The following NANS variants were observed in gnomAD, a reference collection of about 807,000 sequenced individuals.
The protein encoded by NANS is N-acetylneuraminate synthase, also known as N-acetylneuraminate-9-phosphate synthase.
Under a neutral mutation model 33.3 loss-of-function variants are expected in NANS, and 29 were observed. The ratio of observed to expected loss-of-function variants is 0.87; its 90% CI spans 0.65 to 1.19. The LOEUF (loss-of-function observed/expected upper bound fraction) is 1.19. Ranked by LOEUF, NANS falls within the 50% of genes most tolerant of loss-of-function variation. NANS has a pLI of 0.00. For synonymous variants in NANS, 163 were observed against 177.2 expected (o/e 0.92, Z 0.64); for missense variants, 394 against 461.1 (o/e 0.85, Z 1.33).
At chr9:98,080,261 GTCTT>G (rs1294092853) in intron 4 of NANS, among the ~76,000 whole-genome samples, 1 of 152,160 alleles carries the variant, frequency 6.6e-6, no homozygotes, top group Non-Finnish European at 1.5e-5. Context: ...CGCTACCTGA[GTCTT>G]TCTACTGTAC....
intron 2 of NANS, chr9:98,074,998 GGAGT>G (rs1829519378): frequency 6.6e-6 from 1 of 152,138 alleles, no homozygotes; most frequent in African/African-American, 2.4e-5. Context: ...CAAACAGGAA[GGAGT>G]GAGGTGGAAA....
chr9:98,062,178 C>T (rs953451218), intron 2 of NANS, among the ~76,000 whole-genome samples: 25 of 151,770 alleles, frequency 1.6e-4, no homozygotes, highest in Admixed American at 1.6e-3. Flanking sequence ...AGCACTCCAG[C>T]CTGGGTGATA....
At chr9:98,076,715 G>A (rs1829607671) in intron 2 of NANS, 1 of 547,302 alleles carries the variant, frequency 1.8e-6, no homozygotes, top group African/African-American at 2.0e-5. Flanking sequence ...ACGTTTGTTG[G>A]GCTAATGGAT....
At chr9:98,066,887 G>A (rs1410613542) in intron 2 of NANS, among the ~76,000 whole-genome samples, 2 of 152,124 alleles carry the variant, frequency 1.3e-5, no homozygotes, top group Admixed American at 6.6e-5. Context: ...CTAACCTCAG[G>A]TGATCCACTT....
intron 5 of NANS, among the ~76,000 whole-genome samples, chr9:98,082,495 A>G (rs919738324): frequency 2.0e-5 from 3 of 152,216 alleles, no homozygotes; most frequent in African/African-American, 2.4e-5. Flanking sequence ...ACATTCTGTA[A>G]TATCACCAAT....
chr9:98,072,324 G>A (rs2131638649), intron 2 of NANS, among the ~76,000 whole-genome samples: 1 of 152,204 alleles, frequency 6.6e-6, no homozygotes, highest in Admixed American at 6.5e-5. Context: ...CAGCCTATTT[G>A]GGCAGGTAGG....
At chr9:98,072,334 G>T (rs777651331) in intron 2 of NANS, among the ~76,000 whole-genome samples, 1 of 152,114 alleles carries the variant, frequency 6.6e-6, no homozygotes, top group Non-Finnish European at 1.5e-5. Context: ...GGGCAGGTAG[G>T]TTCCTCTGGA....
Position 98,060,892 on chromosome 9 carries a change from C to T in NANS, c.243C>T (p.Tyr81=), listed in dbSNP as rs748981751. ...YTSKHSWGKT[Y]GEHKRHLEFS... is the part of the protein sequence containing the mutation. ...CGAAGCATTCCTGGGGGAAGACGTA[C>T]GGGGAGCACAAACGACATCTGGAGT... The change falls in exon 2 of 6, where the codon TAC becomes TAT. Residue 81 remains tyrosine, a synonymous_variant. Coordinates refer to ENST00000210444, the MANE Select transcript of NANS (RefSeq NM_018946.4). 9.3e-6 allele frequency: 15 copies of T among 1,614,014 alleles called. No individual in the cohort carries two copies. Among genetic ancestry groups the T allele is most frequent in the Non-Finnish European group, 1.1e-5 (13 of 1,180,040 alleles).
At chr9:98,078,405 C>CT in intron 4 of NANS, 58 bp downstream of exon 4, 2 of 1,556,562 alleles carry the variant, frequency 1.3e-6, no homozygotes, top group Non-Finnish European at 1.7e-6. Context: ...AAGGCGTAGT[C>CT]TTTTTTATAA....
At position 98,056,901 on chromosome 9, in the gene NANS, C is replaced by A. The variant is rs779575112; in HGVS notation, c.93C>A (p.Gly31=). 6.2e-7 allele frequency: 1 copy of A among 1,610,602 alleles called. No homozygotes were observed. Among genetic ancestry groups the A allele is most frequent in the Non-Finnish European group, 8.5e-7 (1 of 1,178,686 alleles). Residue 31 remains glycine, a synonymous_variant, in exon 1 of 6, where the codon GGC becomes GGA. Transcript: ENST00000210444. ...IIAEIGQNHQ[G]DLDVAKRMIR... ...CCGAGATCGGCCAGAACCACCAGGG[C>A]GACCTGGACGTAGCCAAGCGCATGA...
At chr9:98,068,516 A>G (rs1829216275) in intron 2 of NANS, among the ~76,000 whole-genome samples, 1 of 151,788 alleles carries the variant, frequency 6.6e-6, no homozygotes, top group Non-Finnish European at 1.5e-5. Context: ...CAGTATCGTT[A>G]AAGTAAAAAG....
intron 4 of NANS, among the ~76,000 whole-genome samples, chr9:98,079,284 C>A (rs758710472): frequency 1.3e-5 from 2 of 152,108 alleles, no homozygotes; most frequent in Non-Finnish European, 2.9e-5. Flanking sequence ...TAACTTTATT[C>A]GAAAATATGT....
chr9:98,059,245 G>A (rs370445478), intron 1 of NANS, among the ~76,000 whole-genome samples: 27 of 152,068 alleles, frequency 1.8e-4, no homozygotes, highest in African/African-American at 4.6e-4. Flanking sequence ...GGATGGTCTC[G>A]ATCTCCTGAC....
At chr9:98,065,963 G>T (rs149450451) in intron 2 of NANS, among the ~76,000 whole-genome samples, 19 of 152,258 alleles carry the variant, frequency 1.2e-4, no homozygotes, top group Admixed American at 1.2e-3. Flanking sequence ...TCCAATTACA[G>T]CTTACAGCCT....
At chr9:98,070,144 G>C (rs1024778297) in intron 2 of NANS, among the ~76,000 whole-genome samples, 10 of 152,150 alleles carry the variant, frequency 6.6e-5, no homozygotes, top group African/African-American at 2.2e-4. Flanking sequence ...TTTTGAGACA[G>C]AGTCTTGCTG....
Position 98,075,141 on chromosome 9 carries a change from A to C in NANS, c.349-1777A>C, listed in dbSNP as rs879005634. 6.8e-5 allele frequency: 10 copies of C among 146,358 alleles called. No individual in the cohort carries two copies. The Admixed American group carries it at 7.1e-4, about 10-fold the overall frequency. 9.1% of individuals were successfully genotyped at this position (146,358 alleles called of 1,614,324 possible). On this transcript the variant is annotated intron_variant, in intron 2 of 5. Coordinates refer to ENST00000210444, the MANE Select transcript of NANS (RefSeq NM_018946.4). ...GGCAACATAGCAAGACCCCATCTCC[A>C]CAGCAAATTAAAAAAAAAAAAAAAT... is the stretch of plus-strand genomic sequence containing the variant.
At chr9:98,073,563 G>A (rs1424907013) in intron 2 of NANS, among the ~76,000 whole-genome samples, 3 of 149,840 alleles carry the variant, frequency 2.0e-5, no homozygotes, top group Admixed American at 6.6e-5. Flanking sequence ...GATTACAGGC[G>A]TGAGCCACCG....
intron 5 of NANS, 113 bp downstream of exon 5, chr9:98,081,195 C>T (rs114706293): frequency 7.0e-6 from 10 of 1,419,618 alleles, no homozygotes; most frequent in East Asian, 2.3e-5. Context: ...ATGAAATGAT[C>T]AGTGAATGTG....
chr9:98,077,134 A>AT lies in NANS; in HGVS notation c.448+124dup, dbSNP rs202066065. The AT allele has an allele frequency of 2.1e-3, 1,574 of 746,896 alleles. 20 individuals are homozygous for AT. The African/African-American group carries it at 0.025, about 12-fold the overall frequency. 46.3% of individuals were successfully genotyped at this position (746,896 alleles called of 1,614,324 possible). On this transcript the variant is annotated intron_variant, in intron 3 of 5. Coordinates refer to ENST00000210444, the MANE Select transcript of NANS (RefSeq NM_018946.4). ...TGAAGACAAATTTTAGCCTCTTTTC[A>AT]TTTTTTTAAATAGAGATAGGGTCTC...
Sources: allele counts gnomAD v4.1 joint callset (sites outside exome capture counted in the v4.1 genomes callset), GRCh38; gene constraint gnomAD v4.1.1; transcripts MANE v1.5; gene names NCBI Gene and HGNC (gene_info 2026-07-23, HGNC 2026-07-21).